Variants in STXBP6 observed in about 807,000 individuals in gnomAD.
STXBP6 encodes the protein syntaxin-binding protein 6.
In STXBP6, 21 loss-of-function variants were observed where a neutral mutation model predicts 26.9. That is an observed-to-expected ratio of 0.78 (90% confidence interval 0.55 to 1.12). The LOEUF (loss-of-function observed/expected upper bound fraction) is 1.12, where lower values mean the gene tolerates loss of function less well. Among genes scored for constraint, STXBP6 ranks in the 50% most tolerant of loss-of-function variants. The pLI, the probability that STXBP6 is intolerant of heterozygous loss-of-function variation, is 0.00. For missense variants in STXBP6, 232 were observed against 257.9 expected, an observed-to-expected ratio of 0.90 and a Z score of 0.69; for synonymous variants, 97 against 92.6, an observed-to-expected ratio of 1.05 and a Z score of -0.27.
intron 2 of STXBP6, among the ~76,000 whole-genome samples, chr14:24,962,585 C>T (rs11159008): frequency 0.069 from 10,540 of 152,090 alleles, 485 homozygotes; most frequent in South Asian, 0.16. Context: ...GCCTCAGCCT[C>T]CCAAAGTGCT....
chr14:24,863,005 T>C (rs1173471954), intron 2 of STXBP6, among the ~76,000 whole-genome samples: 1 of 152,186 alleles, frequency 6.6e-6, no homozygotes, highest in East Asian at 1.9e-4. Flanking sequence ...GTTAGTACTT[T>C]TAAAATCTAG....
At chr14:24,988,254 C>G (rs1330496899) in intron 1 of STXBP6, among the ~76,000 whole-genome samples, 4 of 152,180 alleles carry the variant, frequency 2.6e-5, no homozygotes, top group Non-Finnish European at 5.9e-5. Flanking sequence ...CATCTAGGGG[C>G]AGGACCTATC....
intron 1 of STXBP6, among the ~76,000 whole-genome samples, chr14:25,035,431 T>G (rs2075533570): frequency 6.6e-6 from 1 of 152,232 alleles, no homozygotes; most frequent in South Asian, 2.1e-4. Flanking sequence ...ATTTATACGT[T>G]TCTTTCTTTT....
At chr14:24,930,044 C>T (rs2072325329) in intron 2 of STXBP6, among the ~76,000 whole-genome samples, 1 of 152,204 alleles carries the variant, frequency 6.6e-6, no homozygotes, top group Admixed American at 6.5e-5. Context: ...TTCCCCAGGC[C>T]ATAGCTACAG....
intron 4 of STXBP6, among the ~76,000 whole-genome samples, chr14:24,836,606 CAAAAAAAAAAA>C (rs71449215): frequency 2.3e-5 from 1 of 44,314 alleles, no homozygotes; most frequent in Admixed American, 3.6e-4. Context: ...GACTCCCTCT[CAAAAAAAAAAA>C]AAAAAAAAAA....
At chr14:25,002,358 A>ATTTTTTTTTTT (rs1566552415) in intron 1 of STXBP6, among the ~76,000 whole-genome samples, 1 of 110,220 alleles carries the variant, frequency 9.1e-6, no homozygotes, top group African/African-American at 4.5e-5. Flanking sequence ...AATTCTTATG[A>ATTTTTTTTTTT]CTTTTTTTTT....
chr14:24,936,010 C>T (rs989476379), intron 2 of STXBP6, among the ~76,000 whole-genome samples: 3 of 152,198 alleles, frequency 2.0e-5, no homozygotes, highest in African/African-American at 7.2e-5. Context: ...GCACATGTGA[C>T]TCTTCCTTGA....
At chr14:24,993,249 T>A (rs2074519364) in intron 1 of STXBP6, among the ~76,000 whole-genome samples, 1 of 152,144 alleles carries the variant, frequency 6.6e-6, no homozygotes, top group Admixed American at 6.5e-5. Flanking sequence ...GAATGAATCA[T>A]CTTCCTCGAA....
At chr14:24,969,879 C>A (rs2073849461) in intron 2 of STXBP6, among the ~76,000 whole-genome samples, 1 of 152,136 alleles carries the variant, frequency 6.6e-6, no homozygotes, top group Non-Finnish European at 1.5e-5. Context: ...TTTCCACCCA[C>A]CTTAGGAGGT....
intron 2 of STXBP6, 34 bp downstream of exon 2, chr14:24,974,631 T>C (rs2073994408): frequency 2.7e-6 from 4 of 1,509,368 alleles, no homozygotes; most frequent in Non-Finnish European, 3.6e-6. Context: ...AAATGGAAGT[T>C]ATTTTAATAA....
chr14:24,968,714 T>A (rs1413920066), intron 2 of STXBP6, among the ~76,000 whole-genome samples: 1 of 152,208 alleles, frequency 6.6e-6, no homozygotes, highest in Non-Finnish European at 1.5e-5. Context: ...ATCTTACTAC[T>A]CTGAATTTTT....
chr14:24,997,458 T>C (rs1426983879), intron 1 of STXBP6, among the ~76,000 whole-genome samples: 1 of 152,196 alleles, frequency 6.6e-6, no homozygotes, highest in African/African-American at 2.4e-5. Flanking sequence ...TCCTTATTCC[T>C]ACTGAATATT....
intron 2 of STXBP6, among the ~76,000 whole-genome samples, chr14:24,930,971 C>T (rs1457159910): frequency 6.9e-5 from 10 of 145,116 alleles, no homozygotes; most frequent in African/African-American, 1.0e-4. Context: ...ATTAGCCGGG[C>T]GCGGTGGCGG....
intron 4 of STXBP6, 179 bp from the exon 5 acceptor site, chr14:24,819,373 G>A: frequency 8.7e-6 from 6 of 692,192 alleles, no homozygotes; most frequent in Non-Finnish European, 1.3e-5. Flanking sequence ...CGCACTTGCA[G>A]CAAGAACACC....
intron 1 of STXBP6, among the ~76,000 whole-genome samples, chr14:25,043,402 A>C (rs892069711): frequency 6.6e-6 from 1 of 152,184 alleles, no homozygotes; most frequent in South Asian, 2.1e-4. Flanking sequence ...AAAACAAAAA[A>C]CAAAAAACTC....
At chr14:24,818,105 G>A (rs766347434) in intron 5 of STXBP6, 1 of 456,646 alleles carries the variant, frequency 2.2e-6, no homozygotes, top group South Asian at 1.5e-5. Flanking sequence ...TCCCCGAAAG[G>A]TCACCTGAAA....
At chr14:25,048,639 A>G (rs929960567) in intron 1 of STXBP6, among the ~76,000 whole-genome samples, 3 of 152,204 alleles carry the variant, frequency 2.0e-5, no homozygotes, top group Non-Finnish European at 4.4e-5. Flanking sequence ...CAAAAAAGAA[A>G]AAAAGAGAGG....
intron 1 of STXBP6, among the ~76,000 whole-genome samples, chr14:25,000,982 C>T (rs566462770): frequency 5.3e-5 from 8 of 152,110 alleles, no homozygotes; most frequent in Admixed American, 2.0e-4. Flanking sequence ...TGCTTGTTCA[C>T]GATAAATAAA....
At chr14:24,953,034 C>G (rs1301889451) in intron 2 of STXBP6, among the ~76,000 whole-genome samples, 1 of 152,172 alleles carries the variant, frequency 6.6e-6, no homozygotes, top group Non-Finnish European at 1.5e-5. Context: ...CTACAGCATT[C>G]CTTTTTGTCT....
Sources: allele counts gnomAD v4.1 joint callset (sites outside exome capture counted in the v4.1 genomes callset), GRCh38; gene constraint gnomAD v4.1.1; transcripts MANE v1.5; gene names NCBI Gene and HGNC (gene_info 2026-07-23, HGNC 2026-07-21).